The following TRPM6 variants were observed in gnomAD, a reference collection of about 807,000 sequenced individuals.
TRPM6 encodes transient receptor potential cation channel subfamily M member 6.
In TRPM6, 111 loss-of-function variants were observed where a neutral mutation model predicts 247.6. The ratio of observed to expected loss-of-function variants is 0.45; its 90% CI spans 0.38 to 0.52. The LOEUF (loss-of-function observed/expected upper bound fraction) is 0.52, where lower values mean the gene tolerates loss of function less well. Ranked by LOEUF, TRPM6 falls within the 20% of genes least tolerant of loss-of-function variation. The pLI, the probability that TRPM6 is intolerant of heterozygous loss-of-function variation, is 0.00. For missense variants in TRPM6, 2,126 were observed against 2,421.5 expected (o/e 0.88, Z 2.56); for synonymous variants, 892 against 853.8 (o/e 1.04, Z -0.78).
intron 36 of TRPM6, among the ~76,000 whole-genome samples, chr9:74,737,942 C>T (rs1488677702): frequency 1.3e-5 from 2 of 152,060 alleles, no homozygotes; most frequent in Non-Finnish European, 2.9e-5. Flanking sequence ...TGCTGTGTTG[C>T]CTCTCTCAGT....
At chr9:74,784,621 A>G (rs1391143862) in intron 21 of TRPM6, among the ~76,000 whole-genome samples, 1 of 152,190 alleles carries the variant, frequency 6.6e-6, no homozygotes, top group Non-Finnish European at 1.5e-5. Context: ...CCTCACATGA[A>G]TCTCGTCCTT....
chr9:74,786,236 C>A (rs1165800192), intron 20 of TRPM6, 111 bp from the exon 21 acceptor site: 7 of 1,225,760 alleles, frequency 5.7e-6, no homozygotes, highest in Non-Finnish European at 4.7e-6. Flanking sequence ...CTAAAACCTG[C>A]CAAACCTTAA....
intron 17 of TRPM6, among the ~76,000 whole-genome samples, chr9:74,798,941 T>C (rs147871148): frequency 2.3e-3 from 351 of 152,258 alleles, no homozygotes; most frequent in African/African-American, 8.2e-3. Flanking sequence ...CTAGAGTATA[T>C]ACAGGACAGA....
At position 74,732,048 on chromosome 9, in the gene TRPM6, T is replaced by C. The variant is rs536033967; in HGVS notation, c.5828+637A>G. On this transcript the variant is annotated intron_variant, in intron 37 of 38. Coordinates refer to ENST00000360774, the MANE Select transcript of TRPM6 (RefSeq NM_017662.5). ...TTCTACCCCACCTTTAATAGAAGAATACAACCTGAGATCCTTTACTGCCAA... is the reference window on the plus strand; with the variant it reads ...TTCTACCCCACCTTTAATAGAAGAACACAACCTGAGATCCTTTACTGCCAA... 4.6e-5 allele frequency among the ~76,000 whole-genome samples: 7 copies of C among 152,288 alleles called. No homozygotes were observed. The South Asian group carries it at 1.5e-3, about 32-fold the overall frequency.
At chr9:74,732,177 G>A (rs1372704486) in intron 37 of TRPM6, among the ~76,000 whole-genome samples, 1 of 152,202 alleles carries the variant, frequency 6.6e-6, no homozygotes, top group African/African-American at 2.4e-5. Flanking sequence ...TCTTATTTAA[G>A]TCAGATAATC....
chr9:74,777,120 C>A (rs150275024), intron 23 of TRPM6, among the ~76,000 whole-genome samples: 111 of 152,326 alleles, frequency 7.3e-4, no homozygotes, highest in African/African-American at 2.5e-3. Flanking sequence ...TCTGAACCAG[C>A]AGCAGCAGCA....
intron 20 of TRPM6, 121 bp downstream of exon 20, chr9:74,788,493 G>T (rs188121163): frequency 4.1e-5 from 48 of 1,179,906 alleles, no homozygotes; most frequent in African/African-American, 2.4e-4. Flanking sequence ...AGGTCAGTGT[G>T]TCCTGTCTTC....
Position 74,755,877 on chromosome 9 carries a change from A to G in TRPM6, c.4786-404T>C, listed in dbSNP as rs540647315. Among the ~76,000 whole-genome samples the G allele has an allele frequency of 7.2e-5, 11 of 152,316 alleles. No homozygotes were observed. The East Asian group carries it at 1.9e-3, about 27-fold the overall frequency. On this transcript the variant is annotated intron_variant, in intron 27 of 38. Coordinates refer to ENST00000360774, the MANE Select transcript of TRPM6 (RefSeq NM_017662.5). ...TGCCAATAGGAGATCATATTTTGAG[A>G]AAATATTAGAATCCAAAGAATTTGT...
At chr9:74,731,193 A>C (rs1338517792) in intron 37 of TRPM6, among the ~76,000 whole-genome samples, 1 of 152,226 alleles carries the variant, frequency 6.6e-6, no homozygotes, top group Non-Finnish European at 1.5e-5. Context: ...TATTCAGGTC[A>C]TATTAAGTGA....
intron 30 of TRPM6, 128 bp from the exon 31 acceptor site, chr9:74,748,042 A>ATACATATACATG: frequency 1.2e-6 from 1 of 861,462 alleles, no homozygotes; most frequent in East Asian, 2.5e-5. Context: ...TGAAATACAT[A>ATACATATACATG]TACAGTCATG....
At chr9:74,732,160 C>A (rs1469400297) in intron 37 of TRPM6, among the ~76,000 whole-genome samples, 1 of 152,184 alleles carries the variant, frequency 6.6e-6, no homozygotes, top group African/African-American at 2.4e-5. Context: ...AGAATTTAAA[C>A]TTCAGCTCTT....
Position 74,762,620 on chromosome 9 carries a change from G to A in TRPM6, c.4051C>T (p.Leu1351=). The A allele has an allele frequency of 6.2e-7, 1 of 1,614,222 alleles. No individual in the cohort carries two copies. The highest frequency in any genetic ancestry group is 8.5e-7 in the Non-Finnish European group (1 of 1,180,044). The change falls in exon 26 of 39, where the codon CTA becomes TTA. Residue 1351 remains leucine (L), a synonymous_variant. Transcript: ENST00000360774. ...YGQFLLVPSN[L]KRVPFSAETV... is the part of the protein sequence containing the mutation. Reference sequence around the variant, plus strand: ...TCTGCTGAAAAAGGAACTCGCTTTAGATTAGAGGGGACCAGAAGAAACTGG... The same window carrying A: ...TCTGCTGAAAAAGGAACTCGCTTTAAATTAGAGGGGACCAGAAGAAACTGG...
At chr9:74,838,993 C>T (rs1167847810) in intron 5 of TRPM6, among the ~76,000 whole-genome samples, 1 of 151,804 alleles carries the variant, frequency 6.6e-6, no homozygotes, top group Non-Finnish European at 1.5e-5. Flanking sequence ...ACCTGTAATC[C>T]CAGCTACTTG....
In TRPM6 at chr9:74,764,793, T is replaced by C. The variant is rs144935132; in HGVS notation, c.3537-1659A>G. The stretch of plus-strand genomic sequence containing the variant: ...AATTGGAAAACTGTGTTCTAATAAA[T>C]TTGATGAGGCATTGATATCTCTTGA... On this transcript the variant is annotated intron_variant, in intron 25 of 38. Transcript: ENST00000360774. Among the ~76,000 whole-genome samples the C allele has an allele frequency of 3.9e-5, 6 of 152,302 alleles. No homozygotes were observed. In the East Asian group the frequency reaches 1.2e-3, roughly 29 times the overall value.
intron 35 of TRPM6, among the ~76,000 whole-genome samples, chr9:74,739,108 T>C (rs1825780653): frequency 6.6e-6 from 1 of 152,222 alleles, no homozygotes; most frequent in Non-Finnish European, 1.5e-5. Flanking sequence ...GATCTGTCTG[T>C]TTCCCATAAC....
rs530527539 is a variant in TRPM6 at position 74,724,505 on chromosome 9, G to A, written c.*108C>T. 5.7e-5 allele frequency: 86 copies of A among 1,508,238 alleles called. No homozygotes were observed. In the East Asian group the frequency reaches 7.7e-4, roughly 13 times the overall value. 93.4% of individuals were successfully genotyped at this position (1,508,238 alleles called of 1,614,324 possible). A position where few individuals can be genotyped will look rare whatever the true frequency, so the allele number is the denominator to read the frequency against. ...GAAGGAGATGTGAGGCTCAGAAGGC[G>A]TGTCCCAAGGAGACGCTGATGTAAT... On this transcript the variant is annotated 3_prime_UTR_variant, in exon 39 of 39. Coordinates refer to ENST00000360774, the MANE Select transcript of TRPM6 (RefSeq NM_017662.5).
chr9:74,790,622 C>T (rs190716382), intron 19 of TRPM6, among the ~76,000 whole-genome samples: 9 of 152,234 alleles, frequency 5.9e-5, no homozygotes, highest in African/African-American at 1.7e-4. Flanking sequence ...TTCTTCTCAC[C>T]GCCCCTCTGC....
chr9:74,770,703 G>A (rs1261721982), intron 25 of TRPM6, among the ~76,000 whole-genome samples: 2 of 151,906 alleles, frequency 1.3e-5, no homozygotes, highest in African/African-American at 4.8e-5. Flanking sequence ...CCCCTGCTTC[G>A]GGCAAAAAGC....
intron 37 of TRPM6, among the ~76,000 whole-genome samples, chr9:74,732,185 A>T (rs937038136): frequency 2.0e-5 from 3 of 152,236 alleles, no homozygotes; most frequent in Admixed American, 6.5e-5. Context: ...AAGTCAGATA[A>T]TCTGATGCTT....
Sources: gnomAD v4.1 joint callset for allele counts (sites outside exome capture counted in the v4.1 genomes callset) on GRCh38, gnomAD v4.1.1 for gene constraint, MANE v1.5 for transcripts, NCBI Gene and HGNC (gene_info 2026-07-23, HGNC 2026-07-21) for gene names.